LRBA: variants seen among roughly 807,000 people sequenced by gnomAD.
LRBA encodes the protein lipopolysaccharide-responsive and beige-like anchor protein.
In LRBA, 176 loss-of-function variants were observed where a neutral mutation model predicts 330.0. That is an observed-to-expected ratio of 0.53 (90% CI 0.47 to 0.60). LRBA has a LOEUF of 0.60. Ranked by LOEUF, LRBA falls within the 20% of genes least tolerant of loss-of-function variation. The pLI is 0.00. For missense variants in LRBA, 3,259 were observed against 3,444.8 expected, an observed-to-expected ratio of 0.95 and a Z score of 1.35; for synonymous variants, 1,230 against 1,193.0, an observed-to-expected ratio of 1.03 and a Z score of -0.64.
chr4:150,390,287 A>T (rs1375892267), intron 47 of LRBA, among the ~76,000 whole-genome samples: 1 of 152,194 alleles, frequency 6.6e-6, no homozygotes. Flanking sequence ...CATTTTCTTG[A>T]TAAATCCAAA....
At chr4:150,458,240 T>C (rs1046865829) in intron 44 of LRBA, among the ~76,000 whole-genome samples, 1 of 151,900 alleles carries the variant, frequency 6.6e-6, no homozygotes, top group Admixed American at 6.6e-5. Flanking sequence ...AATGGACTAA[T>C]TCTGTTTTAA....
chr4:150,663,083 TTC>T lies in LRBA; in HGVS notation c.5921+20466_5921+20467del, dbSNP rs548899799. 6.6e-5 allele frequency among the ~76,000 whole-genome samples: 10 copies of T among 152,374 alleles called. No individual in the cohort carries two copies. In the South Asian group the frequency reaches 1.0e-3, roughly 16 times the overall value. On this transcript the variant is annotated intron_variant, in intron 37 of 56. Transcript: ENST00000651943. ...GCAATTTAATTACATTAACAAATTA[TTC>T]TGTTAAAATACAAATACAACTTGAG...
intron 28 of LRBA, among the ~76,000 whole-genome samples, chr4:150,843,551 A>C (rs1749413187): frequency 6.6e-6 from 1 of 152,190 alleles, no homozygotes. Flanking sequence ...GAAACACCAA[A>C]CTGAGAGCAA....
At chr4:150,619,275 A>C (rs983436408) in intron 37 of LRBA, among the ~76,000 whole-genome samples, 1 of 152,122 alleles carries the variant, frequency 6.6e-6, no homozygotes, top group East Asian at 1.9e-4. Context: ...ATTGGGAAAA[A>C]GGCTTGAGTT....
At chr4:150,920,274 C>T (rs975487414) in intron 5 of LRBA, among the ~76,000 whole-genome samples, 25 of 152,086 alleles carry the variant, frequency 1.6e-4, no homozygotes, top group African/African-American at 5.3e-4. Flanking sequence ...TTGGGCCGGG[C>T]GTGGTGACTC....
chr4:150,782,698 C>A (rs1738441453), intron 34 of LRBA, among the ~76,000 whole-genome samples: 1 of 152,168 alleles, frequency 6.6e-6, no homozygotes, highest in African/African-American at 2.4e-5. Context: ...TTAATAAGAT[C>A]TGGAAAGACA....
At chr4:150,992,093 A>G (rs1269797758) in intron 2 of LRBA, among the ~76,000 whole-genome samples, 1 of 152,160 alleles carries the variant, frequency 6.6e-6, no homozygotes, top group Non-Finnish European at 1.5e-5. Context: ...AGGCAGGTAC[A>G]ATCACTGAGG....
At chr4:150,911,967 G>A (rs969962124) in intron 9 of LRBA, among the ~76,000 whole-genome samples, 8 of 151,772 alleles carry the variant, frequency 5.3e-5, no homozygotes, top group African/African-American at 1.2e-4. Flanking sequence ...TAAATTATCC[G>A]ATTTGTTGGC....
At chr4:150,345,125 C>T (rs1736110882) in intron 48 of LRBA, among the ~76,000 whole-genome samples, 1 of 152,160 alleles carries the variant, frequency 6.6e-6, no homozygotes, top group Non-Finnish European at 1.5e-5. Flanking sequence ...TAGTACCTAT[C>T]CTATGCTTGT....
intron 34 of LRBA, among the ~76,000 whole-genome samples, chr4:150,772,659 C>T (rs1479925531): frequency 2.0e-5 from 3 of 152,134 alleles, no homozygotes; most frequent in Non-Finnish European, 4.4e-5. Context: ...ATGTCAGGGC[C>T]TTGCTCCAAA....
chr4:150,488,203 G>A (rs1389569006), intron 41 of LRBA, among the ~76,000 whole-genome samples: 1 of 151,626 alleles, frequency 6.6e-6, no homozygotes, highest in East Asian at 1.9e-4. Flanking sequence ...ATTTTGGCAA[G>A]TCAAAGGTAT....
At chr4:150,468,356 T>C (rs1171371449) in intron 43 of LRBA, among the ~76,000 whole-genome samples, 2 of 152,080 alleles carry the variant, frequency 1.3e-5, no homozygotes, top group African/African-American at 2.4e-5. Flanking sequence ...CTGAAAATAA[T>C]GAGCAGTATT....
At position 151,010,448 on chromosome 4, in the gene LRBA, T is replaced by A. The variant is rs190007597; in HGVS notation, c.216+3979A>T. 3.0e-3 allele frequency among the ~76,000 whole-genome samples: 462 copies of A among 152,356 alleles called. 9 individuals carry two copies. Among genetic ancestry groups the A allele is most frequent in the Admixed American group, 0.029 (448 of 15,294 alleles). On this transcript the variant is annotated intron_variant, in intron 2 of 56. Coordinates refer to ENST00000651943, the MANE Select transcript of LRBA (RefSeq NM_001364905.1). ...TGACCAGAAGTTTGAAACACTTGAC[T>A]ACATTGGTGCACTGTTAATCAAAAT...
At chr4:150,746,144 T>C (rs1174720536) in intron 35 of LRBA, among the ~76,000 whole-genome samples, 1 of 152,234 alleles carries the variant, frequency 6.6e-6, no homozygotes, top group Admixed American at 6.5e-5. Flanking sequence ...ACACATACAG[T>C]ATTTATGTGC....
chr4:150,437,714 A>G (rs1751310936), intron 44 of LRBA, among the ~76,000 whole-genome samples: 1 of 151,974 alleles, frequency 6.6e-6, no homozygotes, highest in African/African-American at 2.4e-5. Flanking sequence ...TTGTTTTGGA[A>G]GATAAAAATG....
intron 37 of LRBA, among the ~76,000 whole-genome samples, chr4:150,656,398 T>G (rs956147363): frequency 1.9e-4 from 29 of 152,332 alleles, no homozygotes; most frequent in African/African-American, 6.7e-4. Flanking sequence ...ATTTTGTTTG[T>G]GTTGTTGTGG....
intron 48 of LRBA, among the ~76,000 whole-genome samples, chr4:150,337,143 A>C (rs1321329822): frequency 6.6e-6 from 1 of 152,196 alleles, no homozygotes; most frequent in Non-Finnish European, 1.5e-5. Flanking sequence ...ATTATTTCTC[A>C]AAACCAAACA....
rs953745119 is a variant in LRBA, at chr4:150,532,551, T to TA, written c.6331-41517dup. 3.1e-4 allele frequency among the ~76,000 whole-genome samples: 47 copies of TA among 151,218 alleles called. No individual in the cohort carries two copies. The South Asian group carries it at 4.2e-3, about 13-fold the overall frequency. ...GTTATATGATAGGGTCATTTATCTT[T>TA]AAAAAAAAATACCAGTGATAATTTA... On this transcript the variant is annotated intron_variant, in intron 40 of 56. Coordinates refer to ENST00000651943, the MANE Select transcript of LRBA (RefSeq NM_001364905.1).
At chr4:150,819,310 C>T (rs1347602138) in intron 30 of LRBA, among the ~76,000 whole-genome samples, 1 of 150,802 alleles carries the variant, frequency 6.6e-6, no homozygotes, top group Non-Finnish European at 1.5e-5. Flanking sequence ...ACTTTCAAGA[C>T]CAATGATATC....
Sources: allele counts gnomAD v4.1 joint callset (sites outside exome capture counted in the v4.1 genomes callset), GRCh38; gene constraint gnomAD v4.1.1; transcripts MANE v1.5; gene names NCBI Gene and HGNC (gene_info 2026-07-23, HGNC 2026-07-21).